The following BEND5 variants were observed in gnomAD, a reference collection of about 807,000 sequenced individuals.
BEND5 encodes BEN domain-containing protein 5.
Under a neutral mutation model 43.9 loss-of-function variants are expected in BEND5, and 22 were observed. The ratio of observed to expected loss-of-function variants is 0.50; its 90% CI spans 0.36 to 0.72. The LOEUF is 0.72. Among genes scored for constraint, BEND5 ranks in the 30% least tolerant of loss-of-function variants. The pLI is 0.00. For synonymous variants in BEND5, 228 were observed against 225.9 expected, an observed-to-expected ratio of 1.01 and a Z score of -0.08; for missense variants, 428 against 550.6, an observed-to-expected ratio of 0.78 and a Z score of 2.23.
chr1:48,760,537 T>C (rs1435147295), intron 2 of BEND5, among the ~76,000 whole-genome samples: 2 of 152,238 alleles, frequency 1.3e-5, no homozygotes, highest in Non-Finnish European at 2.9e-5. Context: ...CGTTACAATA[T>C]GTCTGCGTCA....
chr1:48,730,198 G>A (rs1277671785), intron 5 of BEND5, among the ~76,000 whole-genome samples: 1 of 152,098 alleles, frequency 6.6e-6, no homozygotes, highest in Non-Finnish European at 1.5e-5. Flanking sequence ...CCCCCCAACA[G>A]ACTGGGACAC....
At chr1:48,741,480 G>A (rs1165134359) in intron 4 of BEND5, among the ~76,000 whole-genome samples, 4 of 152,250 alleles carry the variant, frequency 2.6e-5, no homozygotes, top group African/African-American at 9.6e-5. Context: ...AAGGCAGCAA[G>A]GCAAGGCAGA....
intron 3 of BEND5, among the ~76,000 whole-genome samples, chr1:48,756,358 T>A (rs953226093): frequency 1.3e-5 from 2 of 152,228 alleles, no homozygotes; most frequent in African/African-American, 4.8e-5. Context: ...TTTGTCCCTA[T>A]GATGGCATTT....
chr1:48,757,656 T>C (rs1363069764), intron 3 of BEND5, among the ~76,000 whole-genome samples: 1 of 152,226 alleles, frequency 6.6e-6, no homozygotes, highest in Non-Finnish European at 1.5e-5. Context: ...ACTGAGCCAC[T>C]ACCTTGGGGA....
At chr1:48,754,805 G>A (rs1652285935) in intron 3 of BEND5, among the ~76,000 whole-genome samples, 1 of 152,120 alleles carries the variant, frequency 6.6e-6, no homozygotes, top group South Asian at 2.1e-4. Context: ...TAAAGGGGAT[G>A]GAGGAGACAC....
chr1:48,757,527 A>G (rs1167859455), intron 3 of BEND5, among the ~76,000 whole-genome samples: 1 of 152,180 alleles, frequency 6.6e-6, no homozygotes, highest in East Asian at 1.9e-4. Flanking sequence ...ACTAGAGTTG[A>G]GACAGAACTC....
chr1:48,738,179 T>C (rs1649359409), intron 4 of BEND5, among the ~76,000 whole-genome samples: 1 of 152,146 alleles, frequency 6.6e-6, no homozygotes, highest in African/African-American at 2.4e-5. Flanking sequence ...ATTACTGAAA[T>C]TTTCCAACCA....
rs1649010489 is a variant in BEND5, at chr1:48,736,156, C to T, written c.1108+83G>A. On this transcript the variant is annotated intron_variant, in intron 5 of 5. Coordinates refer to ENST00000371833, the MANE Select transcript of BEND5 (RefSeq NM_024603.4). The surrounding 1 kb of genome is among the most constrained non-coding windows in gnomAD (Gnocchi z 4.0). ...GGCATGCAGAAGCTTCATAAGTAAT[C>T]GTTGAATTGAATTGTGCCTAACACA... 7 of 1,451,666 alleles carry T rather than the reference C, an allele frequency of 4.8e-6. No homozygotes were observed. The highest frequency in any genetic ancestry group is 3.5e-5 in the South Asian group (3 of 85,196). 89.9% of individuals were successfully genotyped at this position (1,451,666 alleles called of 1,614,324 possible). A position where few individuals can be genotyped will look rare whatever the true frequency, so the allele number is the denominator to read the frequency against.
chr1:48,750,011 G>A (rs1651424846), intron 3 of BEND5, among the ~76,000 whole-genome samples: 1 of 152,134 alleles, frequency 6.6e-6, no homozygotes, highest in African/African-American at 2.4e-5. Context: ...AGTGCCTGAG[G>A]GTAGGAGTTA....
chr1:48,764,536 A>G (rs1644436703), intron 1 of BEND5, among the ~76,000 whole-genome samples: 1 of 152,188 alleles, frequency 6.6e-6, no homozygotes. Flanking sequence ...GTTCAGTTAT[A>G]AGCAGGAGGG....
chr1:48,762,565 G>A (rs1388772434), intron 1 of BEND5, among the ~76,000 whole-genome samples: 1 of 151,244 alleles, frequency 6.6e-6, no homozygotes, highest in African/African-American at 2.4e-5. Flanking sequence ...GCCCAATGTT[G>A]GATGTAGCAT....
intron 4 of BEND5, among the ~76,000 whole-genome samples, chr1:48,737,228 G>A (rs1357026974): frequency 1.3e-5 from 2 of 152,162 alleles, no homozygotes; most frequent in African/African-American, 4.8e-5. Context: ...AGGTTGCAGT[G>A]AGCCGAGATC....
intron 3 of BEND5, 85 bp from the exon 4 acceptor site, chr1:48,742,856 C>A (rs2148598424): frequency 7.4e-7 from 1 of 1,342,688 alleles, no homozygotes. Flanking sequence ...ATCAGCACAC[C>A]ATGGCACAAA....
At chr1:48,733,837 C>A (rs1214913036) in intron 5 of BEND5, among the ~76,000 whole-genome samples, 1 of 152,206 alleles carries the variant, frequency 6.6e-6, no homozygotes, top group East Asian at 1.9e-4. Flanking sequence ...CCTTCGTTTA[C>A]TGAGTGCCTA....
At chr1:48,741,301 C>T (rs1349617835) in intron 4 of BEND5, among the ~76,000 whole-genome samples, 1 of 152,204 alleles carries the variant, frequency 6.6e-6, no homozygotes, top group Non-Finnish European at 1.5e-5. Context: ...TCAATCCAAT[C>T]CCATCTTTCA....
At chr1:48,734,616 G>A (rs956438074) in intron 5 of BEND5, among the ~76,000 whole-genome samples, 5 of 152,076 alleles carry the variant, frequency 3.3e-5, no homozygotes, top group Admixed American at 6.5e-5. Context: ...CTTCACACCC[G>A]GAGCATGCCA....
chr1:48,776,172 A>G (rs1488527466), intron 1 of BEND5, among the ~76,000 whole-genome samples: 1 of 152,168 alleles, frequency 6.6e-6, no homozygotes, highest in East Asian at 1.9e-4. Flanking sequence ...CTTTAAAGGG[A>G]GAGAGACAGA....
intron 1 of BEND5, among the ~76,000 whole-genome samples, chr1:48,772,769 A>G (rs1644899852): frequency 6.6e-6 from 1 of 152,240 alleles, no homozygotes; most frequent in Admixed American, 6.5e-5. Flanking sequence ...AATAGTTTAG[A>G]TAAGAGCTGA....
At chr1:48,744,637 C>T (rs1650442724) in intron 3 of BEND5, among the ~76,000 whole-genome samples, 1 of 152,190 alleles carries the variant, frequency 6.6e-6, no homozygotes. Flanking sequence ...GAATCCAGTA[C>T]AGCCGTAACT....
Sources: allele counts gnomAD v4.1 joint callset (sites outside exome capture counted in the v4.1 genomes callset), GRCh38; gene constraint gnomAD v4.1.1; non-coding constraint Gnocchi (gnomAD v3.1); transcripts MANE v1.5; gene names NCBI Gene and HGNC (gene_info 2026-07-23, HGNC 2026-07-21).